The following ABTB3 variants were observed in gnomAD, a reference collection of about 807,000 sequenced individuals.
ABTB3 encodes the protein ankyrin repeat- and BTB/POZ domain-containing protein 3.
the ABTB3 span, among the ~76,000 whole-genome samples, chr12:107,500,778 G>C: frequency 2.0e-5 from 3 of 152,016 alleles, no homozygotes; most frequent in Non-Finnish European, 4.4e-5. Context: ...CACCCGGCCT[G>C]GCTACAGTCT....
the ABTB3 span, among the ~76,000 whole-genome samples, chr12:107,393,397 C>T: frequency 6.4e-3 from 973 of 152,064 alleles, 9 homozygotes; most frequent in African/African-American, 0.02. Flanking sequence ...AATCCAAAGC[C>T]TCACTTCAAC....
the ABTB3 span, among the ~76,000 whole-genome samples, chr12:107,412,369 C>T: frequency 0.3 from 45,760 of 151,992 alleles, 8,097 homozygotes; most frequent in East Asian, 0.55. Context: ...CGCTGACTGT[C>T]GGATATTATT....
the ABTB3 span, among the ~76,000 whole-genome samples, chr12:107,390,865 A>G: frequency 6.6e-6 from 1 of 152,090 alleles, no homozygotes; most frequent in Non-Finnish European, 1.5e-5. Context: ...AATTTATTGA[A>G]CTCGGCCAGG....
chr12:107,385,751 C>A, the ABTB3 span, among the ~76,000 whole-genome samples: 1 of 152,184 alleles, frequency 6.6e-6, no homozygotes, highest in Non-Finnish European at 1.5e-5. Context: ...TGCACCCCCC[C>A]AAGCCCTGAC....
chr12:107,349,795 G>A, the ABTB3 span, among the ~76,000 whole-genome samples: 1 of 152,194 alleles, frequency 6.6e-6, no homozygotes, highest in African/African-American at 2.4e-5. Context: ...ACTCTACCCA[G>A]GGATAAGGAT....
chr12:107,411,422 G>A, the ABTB3 span, among the ~76,000 whole-genome samples: 4 of 152,166 alleles, frequency 2.6e-5, no homozygotes, highest in Non-Finnish European at 5.9e-5. Context: ...ACCTCGCTGG[G>A]GTATTATGTG....
the ABTB3 span, among the ~76,000 whole-genome samples, chr12:107,621,721 C>T: frequency 1.3e-5 from 2 of 152,326 alleles, no homozygotes; most frequent in South Asian, 2.1e-4. Flanking sequence ...GGTCCCCTTA[C>T]ACCCTACTCC....
the ABTB3 span, among the ~76,000 whole-genome samples, chr12:107,517,944 A>C: frequency 3.9e-5 from 6 of 152,262 alleles, no homozygotes; most frequent in African/African-American, 1.4e-4. Context: ...TCCATCAACA[A>C]GTGGGCAAAG....
At chr12:107,442,622 A>G in the ABTB3 span, among the ~76,000 whole-genome samples, 1 of 152,044 alleles carries the variant, frequency 6.6e-6, no homozygotes, top group Non-Finnish European at 1.5e-5. Flanking sequence ...CCAGTTAGTA[A>G]TGGTTCCAGG....
chr12:107,555,133 C>G, the ABTB3 span, among the ~76,000 whole-genome samples: 3 of 152,190 alleles, frequency 2.0e-5, no homozygotes, highest in East Asian at 5.8e-4. Context: ...ATTTAATGAT[C>G]ATCCTTAGCC....
the ABTB3 span, among the ~76,000 whole-genome samples, chr12:107,528,103 C>A: frequency 6.6e-6 from 1 of 152,078 alleles, no homozygotes; most frequent in African/African-American, 2.4e-5. Context: ...TGGGTTTGGG[C>A]AGAAGGAGCC....
the ABTB3 span, among the ~76,000 whole-genome samples, chr12:107,398,328 C>T: frequency 2.0e-5 from 3 of 152,232 alleles, no homozygotes; most frequent in East Asian, 5.8e-4. Context: ...TTTTTCAGAG[C>T]AATTTAACCA....
the ABTB3 span, among the ~76,000 whole-genome samples, chr12:107,483,509 G>A: frequency 6.6e-6 from 1 of 152,246 alleles, no homozygotes; most frequent in Admixed American, 6.5e-5. Flanking sequence ...CCTGCCAGAT[G>A]CCAGTCCCCC....
chr12:107,605,062 A>G, the ABTB3 span, among the ~76,000 whole-genome samples: 2 of 152,260 alleles, frequency 1.3e-5, no homozygotes, highest in East Asian at 1.9e-4. Flanking sequence ...TAAGTATGTG[A>G]GGTAAGTAAT....
the ABTB3 span, among the ~76,000 whole-genome samples, chr12:107,541,003 A>C: frequency 2.0e-5 from 3 of 152,116 alleles, no homozygotes; most frequent in Admixed American, 6.6e-5. Context: ...AAAAAGAAAT[A>C]GTAGCTGCTT....
At chr12:107,359,637 C>G in the ABTB3 span, among the ~76,000 whole-genome samples, 1 of 152,176 alleles carries the variant, frequency 6.6e-6, no homozygotes, top group Non-Finnish European at 1.5e-5. Flanking sequence ...GTGGACTGCA[C>G]TCAGTGCAGC....
chr12:107,417,636 G>A, the ABTB3 span, among the ~76,000 whole-genome samples: 10 of 152,342 alleles, frequency 6.6e-5, no homozygotes, highest in Middle Eastern at 6.8e-3. Context: ...TATGTATCCC[G>A]TAGGGAGAAT....
the ABTB3 span, among the ~76,000 whole-genome samples, chr12:107,557,726 C>T: frequency 1.3e-5 from 2 of 152,214 alleles, no homozygotes; most frequent in East Asian, 1.9e-4. Flanking sequence ...CCCATGATAA[C>T]TCCATGAGGT....
chr12:107,589,108 T>A, the ABTB3 span, among the ~76,000 whole-genome samples: 1 of 152,096 alleles, frequency 6.6e-6, no homozygotes, highest in African/African-American at 2.4e-5. Flanking sequence ...CCTCATAAGG[T>A]TGTGGGAGGA....
Sources: gnomAD v4.1 joint callset for allele counts (sites outside exome capture counted in the v4.1 genomes callset) on GRCh38, gnomAD v4.1.1 for gene constraint, MANE v1.5 for transcripts, NCBI Gene and HGNC (gene_info 2026-07-23, HGNC 2026-07-21) for gene names.